PTPN5: variants seen among roughly 807,000 people sequenced by gnomAD.
PTPN5 encodes the protein protein tyrosine phosphatase non-receptor type 5.
A neutral mutation model predicts 73.9 loss-of-function variants in PTPN5; 29 were observed. The ratio of observed to expected loss-of-function variants is 0.39; its 90% confidence interval spans 0.29 to 0.54. PTPN5 has a LOEUF of 0.54. Ranked by LOEUF, PTPN5 falls within the 20% of genes least tolerant of loss-of-function variation. The pLI is 0.65. For missense variants in PTPN5, 652 were observed against 751.4 expected, an observed-to-expected ratio of 0.87 and a Z score of 1.55; for synonymous variants, 267 against 304.7, an observed-to-expected ratio of 0.88 and a Z score of 1.29.
chr11:18,734,935 G>A (rs1298952304), intron 9 of PTPN5, among the ~76,000 whole-genome samples: 1 of 152,206 alleles, frequency 6.6e-6, no homozygotes, highest in Non-Finnish European at 1.5e-5. Context: ...GAGCCAGAGA[G>A]GCTAGGTTCA....
At chr11:18,731,542 C>G (rs569646024) in intron 12 of PTPN5, among the ~76,000 whole-genome samples, 57 of 152,328 alleles carry the variant, frequency 3.7e-4, no homozygotes, top group Non-Finnish European at 7.5e-4. Context: ...CCTGCCTCAT[C>G]TCAGCCTGTC....
At chr11:18,774,259 T>A (rs1851041529) in intron 1 of PTPN5, among the ~76,000 whole-genome samples, 1 of 152,222 alleles carries the variant, frequency 6.6e-6, no homozygotes, top group African/African-American at 2.4e-5. Flanking sequence ...GAACAGCAGG[T>A]GCTCAGGATC....
intron 3 of PTPN5, among the ~76,000 whole-genome samples, chr11:18,762,038 G>A (rs1220732781): frequency 1.3e-5 from 2 of 152,226 alleles, no homozygotes; most frequent in African/African-American, 4.8e-5. Context: ...TGTGGGGGGT[G>A]TCCCAGGGGC....
At chr11:18,769,398 A>T (rs563439093) in intron 2 of PTPN5, among the ~76,000 whole-genome samples, 17 of 151,968 alleles carry the variant, frequency 1.1e-4, no homozygotes, top group South Asian at 2.1e-4. Flanking sequence ...GTTTTTTTTT[A>T]AATTAATTAA....
rs1469139901 is a variant in PTPN5 at position 18,727,982 on chromosome 11, T to C, written c.*952A>G. 6.6e-6 allele frequency: 1 copy of C among 152,586 alleles called. No individual in the cohort carries two copies. The highest frequency in any genetic ancestry group is 1.9e-4 in the East Asian group (1 of 5,192). The allele number at this position is 152,586 out of a possible 1,614,324, so 9.5% of individuals were successfully genotyped here. ...GCTCTATTCAATGACCACGAGCGAATTATAAAAAGACACCAAATGTCTCTG... is the reference window on the plus strand; with the variant it reads ...GCTCTATTCAATGACCACGAGCGAACTATAAAAAGACACCAAATGTCTCTG... On this transcript the variant is annotated 3_prime_UTR_variant, in exon 15 of 15. Coordinates refer to ENST00000358540, the MANE Select transcript of PTPN5 (RefSeq NM_006906.2).
intron 3 of PTPN5, among the ~76,000 whole-genome samples, chr11:18,765,518 G>A (rs1850603566): frequency 6.6e-6 from 1 of 152,072 alleles, no homozygotes; most frequent in African/African-American, 2.4e-5. Context: ...CATTCCCTAG[G>A]AGCCCTGTAC....
At chr11:18,787,695 T>C (rs1851732081) in intron 1 of PTPN5, among the ~76,000 whole-genome samples, 1 of 152,166 alleles carries the variant, frequency 6.6e-6, no homozygotes, top group African/African-American at 2.4e-5. Flanking sequence ...GACAATTCTA[T>C]TTAAAGGCAG....
At chr11:18,781,922 C>T (rs1006520557) in intron 1 of PTPN5, among the ~76,000 whole-genome samples, 10 of 152,148 alleles carry the variant, frequency 6.6e-5, no homozygotes, top group Admixed American at 6.5e-5. Flanking sequence ...AGGAGTTCAC[C>T]AGATACAGGG....
At chr11:18,788,453 C>CT (rs1230698988) in intron 1 of PTPN5, among the ~76,000 whole-genome samples, 1 of 152,186 alleles carries the variant, frequency 6.6e-6, no homozygotes, top group African/African-American at 2.4e-5. Context: ...ATTCTTTTTG[C>CT]TCCAGTTGGA....
rs540457488 is a variant in PTPN5, at chr11:18,766,153, C to T, written c.21-270G>A. Among the ~76,000 whole-genome samples, 4 of 152,306 alleles carry T rather than the reference C, an allele frequency of 2.6e-5. No individual in the cohort carries two copies. The East Asian group carries it at 7.7e-4, about 29-fold the overall frequency. ...ATCATCACCATCATCATCACCTCTA[C>T]AGTAGGAGGATTTACTATACGCAAG... is the stretch of plus-strand genomic sequence containing the variant. On this transcript the variant is annotated intron_variant, in intron 2 of 14. Transcript: ENST00000358540.
intron 1 of PTPN5, among the ~76,000 whole-genome samples, chr11:18,772,724 A>T (rs1159623116): frequency 6.6e-6 from 1 of 152,200 alleles, no homozygotes; most frequent in Non-Finnish European, 1.5e-5. Context: ...GGATTGGACC[A>T]TTCATTTGTT....
upstream of PTPN5, chr11:18,792,430 A>C (rs939455975): frequency 3.3e-5 from 5 of 152,354 alleles, no homozygotes; most frequent in East Asian, 9.6e-4. Context: ...GGGGAGCTAG[A>C]GCGAGTGGAC....
chr11:18,755,624 G>A (rs755796), intron 3 of PTPN5, among the ~76,000 whole-genome samples: 100,637 of 151,794 alleles, frequency 0.66, 34,125 homozygotes, highest in Middle Eastern at 0.86. Flanking sequence ...GTAGAGGACT[G>A]ATGCACAATT....
At chr11:18,788,380 G>A (rs1240755289) in intron 1 of PTPN5, among the ~76,000 whole-genome samples, 6 of 152,064 alleles carry the variant, frequency 3.9e-5, no homozygotes, top group African/African-American at 1.2e-4. Flanking sequence ...TAGCTTGGCA[G>A]TCAATGTCCC....
chr11:18,729,750 G>C lies in PTPN5; in HGVS notation c.1398C>G (p.Asp466Glu). ...FTSWPDQKTPDRAPPLLHLVR... is the reference protein window; with the variant it reads ...FTSWPDQKTPERAPPLLHLVR... Reference sequence around the variant, plus strand: ...CCAGGTGCAGGAGTGGGGGGGCCCGGTCTGGGGTCTTCTGGTCGGGCCAGG... The same window carrying C: ...CCAGGTGCAGGAGTGGGGGGGCCCGCTCTGGGGTCTTCTGGTCGGGCCAGG... Residue 466 changes from aspartate to glutamate, a missense_variant, in exon 13 of 15, where the codon GAC becomes GAG. This residue lies in a region of PTPN5 where 102 missense variants were observed against 160.5 expected (regional missense o/e 0.64). Transcript: ENST00000358540. This position sits in a 1 kb window ranked among gnomAD's most constrained non-coding sequence, Gnocchi z 5.2. 1.2e-6 allele frequency: 2 copies of C among 1,610,170 alleles called. No individual in the cohort carries two copies. Among genetic ancestry groups the C allele is most frequent in the Non-Finnish European group, 1.7e-6 (2 of 1,177,190 alleles).
rs559845656 is a variant in PTPN5, at chr11:18,789,724, C to T, written c.-114+1801G>A. Among the ~76,000 whole-genome samples the T allele has an allele frequency of 2.8e-3, 422 of 152,266 alleles. 2 individuals carry two copies. The highest frequency in any genetic ancestry group is 9.7e-3 in the African/African-American group (404 of 41,548). ...AAACCAAACATTGTATGTTCTCACT[C>T]ATAAGTGAGAGCTAAGCTATGAGGA... On this transcript the variant is annotated intron_variant, in intron 1 of 14. Transcript: ENST00000358540.
At chr11:18,768,698 G>T (rs957402309) in intron 2 of PTPN5, among the ~76,000 whole-genome samples, 23 of 152,274 alleles carry the variant, frequency 1.5e-4, no homozygotes, top group African/African-American at 5.1e-4. Flanking sequence ...GACTGCAAAG[G>T]AAAATGGAGC....
chr11:18,746,291 A>G (rs1027513277), intron 3 of PTPN5, among the ~76,000 whole-genome samples: 5 of 149,564 alleles, frequency 3.3e-5, no homozygotes, highest in Non-Finnish European at 7.4e-5. Context: ...TCCTGGGTTC[A>G]AACAATTTTC....
Position 18,732,695 on chromosome 11 carries a change from G to A in PTPN5, c.1226C>T (p.Thr409Ile), listed in dbSNP as rs1180524544. Residue 409 changes from threonine to isoleucine, a missense_variant, in exon 12 of 15, where the codon ACC becomes ATC. Thr to Ile is a moderately conservative substitution (Grantham distance 89, BLOSUM62 -1). Coordinates refer to ENST00000358540, the MANE Select transcript of PTPN5 (RefSeq NM_006906.2). ...CACCTGCTCCTCCGGCCAATACTCGGTGCATTTCTGCAGGGGCCCAGATCA... is the reference window on the plus strand; with the variant it reads ...CACCTGCTCCTCCGGCCAATACTCGATGCATTTCTGCAGGGGCCCAGATCA... ...TNIEEMNEKC[T>I]EYWPEEQVAY... The A allele has an allele frequency of 1.2e-5, 19 of 1,613,364 alleles. No homozygotes were observed. The highest frequency in any genetic ancestry group is 1.6e-5 in the Non-Finnish European group (19 of 1,179,866).
Sources: gnomAD v4.1 joint callset for allele counts (sites outside exome capture counted in the v4.1 genomes callset) on GRCh38, gnomAD v4.1.1 for gene constraint, gnomAD v4.1.1 regional missense constraint, Gnocchi (gnomAD v3.1) non-coding constraint, MANE v1.5 for transcripts, NCBI Gene and HGNC (gene_info 2026-07-23, HGNC 2026-07-21) for gene names.